Variants in ATG2B observed in about 807,000 individuals in gnomAD.
The protein encoded by ATG2B is autophagy related 2B.
In ATG2B, 121 loss-of-function variants were observed where a neutral mutation model predicts 241.3. The observed-to-expected ratio is 0.50, with a 90% CI of 0.43 to 0.58. ATG2B has a LOEUF of 0.58. Ranked by LOEUF, ATG2B falls within the 20% of genes least tolerant of loss-of-function variation. The probability of loss-of-function intolerance (pLI) is 0.00; values close to 1 mark genes in which losing one functional copy is unlikely to be tolerated. For synonymous variants in ATG2B, 858 were observed against 876.6 expected (o/e 0.98, Z 0.37); for missense variants, 2,306 against 2,491.6 (o/e 0.93, Z 1.59).
Position 96,315,250 on chromosome 14 carries a change from C to T in ATG2B, c.3562-16G>A. On this transcript the variant is annotated splice_polypyrimidine_tract_variant and intron_variant, in intron 22 of 41. Transcript: ENST00000359933. ...TGAGAAATTCCTATACAGAACAAGA[C>T]AAAGAATGACATTTACCACCTATGT... The T allele has an allele frequency of 1.2e-6, 2 of 1,608,970 alleles. No homozygotes were observed. The highest frequency in any genetic ancestry group is 1.7e-6 in the Non-Finnish European group (2 of 1,175,542).
intron 11 of ATG2B, 100 bp downstream of exon 11, chr14:96,331,276 G>T: frequency 8.9e-7 from 1 of 1,127,724 alleles, no homozygotes; most frequent in Non-Finnish European, 1.3e-6. Context: ...AAAAACAAAT[G>T]CAGATAGGCA....
At position 96,303,204 on chromosome 14, in the gene ATG2B, T is replaced by A; in HGVS notation, c.4894A>T (p.Ser1632Cys). Residue 1632 changes from serine (S) to cysteine (C), a missense_variant, in exon 33 of 42, where the codon AGC becomes TGC. This residue lies in a region of ATG2B where 1,927 missense variants were observed against 2,011.2 expected (regional missense o/e 0.96). Coordinates refer to ENST00000359933, the MANE Select transcript of ATG2B (RefSeq NM_018036.7). Reference sequence around the variant, plus strand: ...CGGGAGACTGGGTGTTCTGAGAGGCTGGAATCACAATCAGGTTTGCATGGC... The same window carrying A: ...CGGGAGACTGGGTGTTCTGAGAGGCAGGAATCACAATCAGGTTTGCATGGC... The part of the protein sequence containing the change: ...YPPCKPDCDS[S>C]LSEHPVSRQV... The A allele has an allele frequency of 1.9e-6, 3 of 1,610,322 alleles. No homozygotes were observed. The highest frequency in any genetic ancestry group is 2.5e-6 in the Non-Finnish European group (3 of 1,178,238).
Position 96,325,878 on chromosome 14 carries a change from A to G in ATG2B, c.2208T>C (p.Pro736=), listed in dbSNP as rs1174261952. The change falls in exon 15 of 42, where the codon CCT becomes CCC. Residue 736 remains proline, a synonymous_variant. Transcript: ENST00000359933. Reference sequence around the variant, plus strand: ...CTTGTACTGATATCCGACAATTTGCAGGACTATGTGAATCATCTAGAAACA... The same window carrying G: ...CTTGTACTGATATCCGACAATTTGCGGGACTATGTGAATCATCTAGAAACA... ...TEVFLDDSHS[P]ANCRISVQVA... 1.2e-6 allele frequency: 2 copies of G among 1,613,998 alleles called. No homozygotes were observed. The highest frequency in any genetic ancestry group is 1.7e-6 in the Non-Finnish European group (2 of 1,179,954).
chr14:96,290,757 AG>A lies in ATG2B; in HGVS notation c.5701+56del, dbSNP rs1886462380. The A allele has an allele frequency of 4.4e-6, 7 of 1,579,356 alleles. No individual in the cohort carries two copies. Among genetic ancestry groups the A allele is most frequent in the East Asian group, 4.5e-5 (2 of 44,674 alleles). On this transcript the variant is annotated intron_variant, in intron 39 of 41. Transcript: ENST00000359933. This position sits in a 1 kb window ranked among gnomAD's most constrained non-coding sequence, Gnocchi z 4.4. ...CCTCACATAAGTTCTCAAAGGGATA[AG>A]AATTACTCATCTGAAAAAATAACTT...
At chr14:96,307,802 T>C (rs1013764789) in intron 29 of ATG2B, among the ~76,000 whole-genome samples, 57 of 152,280 alleles carry the variant, frequency 3.7e-4, no homozygotes, top group African/African-American at 1.3e-3. Flanking sequence ...ACTGGATACC[T>C]AATCTTAGGT....
chr14:96,279,247 A>G lies in ATG2B; in HGVS notation c.*6508T>C, dbSNP rs960457131. 1 of 152,212 alleles carries G rather than the reference A, an allele frequency of 6.6e-6. No homozygotes were observed. The highest frequency in any genetic ancestry group is 1.5e-5 in the Non-Finnish European group (1 of 68,030). The allele number at this position is 152,212 out of a possible 1,614,324, so 9.4% of individuals were successfully genotyped here. On this transcript the variant is annotated 3_prime_UTR_variant, in exon 42 of 42. Transcript: ENST00000359933. ...CATATATATTTATATTTTAAAAATTATTACAAGTATTGCTAAAATCAAGAA... is the reference window on the plus strand; with the variant it reads ...CATATATATTTATATTTTAAAAATTGTTACAAGTATTGCTAAAATCAAGAA...
rs1566723072 is a variant in ATG2B at position 96,316,534 on chromosome 14, T to C, written c.3360A>G (p.Lys1120=). ...AACCAAGACACGTGTTTGTCCTACC[T>C]TTATGGTACAGACTGAAACTGCTAG... ...LHSSSFSLYH[K]GIVNGVILPT... The change falls in exon 21 of 42, where the codon AAA becomes AAG. Residue 1120 remains lysine, a splice_region_variant and synonymous_variant. Transcript: ENST00000359933. 6.2e-7 allele frequency: 1 copy of C among 1,611,420 alleles called. No individual in the cohort carries two copies. The highest frequency in any genetic ancestry group is 1.1e-5 in the South Asian group (1 of 90,102).
Position 96,347,226 on chromosome 14 carries a change from A to T in ATG2B, c.278T>A (p.Leu93Gln). 6.2e-7 allele frequency: 1 copy of T among 1,608,550 alleles called. No homozygotes were observed. The highest frequency in any genetic ancestry group is 1.1e-5 in the South Asian group (1 of 90,600). The part of the protein sequence containing the change: ...WGSLLQDNCA[L>Q]EVRGLEMVFR... Reference sequence around the variant, plus strand: ...GACCATTTCTAATCCTCTCACTTCCAGTGCACAATTATCCTGCAGTAAAGA... The same window carrying T: ...GACCATTTCTAATCCTCTCACTTCCTGTGCACAATTATCCTGCAGTAAAGA... The change falls in exon 2 of 42, where the codon CTG becomes CAG. Residue 93 changes from leucine (L) to glutamine (Q), a missense_variant. Leu to Gln is a moderately radical substitution (Grantham distance 113, BLOSUM62 -2). This residue lies in a region of ATG2B where 1,927 missense variants were observed against 2,011.2 expected (regional missense o/e 0.96). Transcript: ENST00000359933.
Position 96,315,539 on chromosome 14 carries a change from T to C in ATG2B, c.3406A>G (p.Ser1136Gly), listed in dbSNP as rs776209574. 1 of 1,614,098 alleles carries C rather than the reference T, an allele frequency of 6.2e-7. No individual in the cohort carries two copies. The highest frequency in any genetic ancestry group is 2.2e-5 in the East Asian group (1 of 44,876). The change falls in exon 22 of 42, where the codon AGC becomes GGC. Residue 1136 changes from serine to glycine, a missense_variant. Transcript: ENST00000359933. ...TCCAACCAGTGTGGGCGGGTTGAGC[T>C]GGGAAGTCGTGTTTCTGTCGGGAGA... Reference protein sequence around the residue: ...VILPTETRLPSSTRPHWLEPT... With the variant: ...VILPTETRLPGSTRPHWLEPT...
intron 34 of ATG2B, among the ~76,000 whole-genome samples, chr14:96,297,687 G>A (rs868184336): frequency 6.6e-5 from 10 of 152,010 alleles, no homozygotes; most frequent in Non-Finnish European, 1.2e-4. Flanking sequence ...GTGAGCCACC[G>A]CACCCGGCCA....
rs1357232189 is a variant in ATG2B, at chr14:96,306,851, C to T, written c.4369G>A (p.Glu1457Lys). Residue 1457 changes from glutamate to lysine, a missense_variant, in exon 30 of 42, where the codon GAG becomes AAG. Glu to Lys is a moderately conservative substitution (Grantham distance 56). This residue lies in a region of ATG2B where 1,927 missense variants were observed against 2,011.2 expected (regional missense o/e 0.96). Transcript: ENST00000359933. ...CCSDLFLFPD[E>K]SGNVSQESGP... ...GACTCCTGGGATACATTCCCACTCT[C>T]GTCAGGAAACAGGAAGAGGTCTGAA... The T allele has an allele frequency of 7.4e-6, 12 of 1,614,020 alleles. No individual in the cohort carries two copies. The highest frequency in any genetic ancestry group is 3.3e-5 in the Admixed American group (2 of 60,022).
chr14:96,335,443 A>C (rs1887844939), intron 6 of ATG2B, among the ~76,000 whole-genome samples: 1 of 152,218 alleles, frequency 6.6e-6, no homozygotes, highest in Non-Finnish European at 1.5e-5. Flanking sequence ...ATAAATCATT[A>C]TTATCACTTT....
In ATG2B at chr14:96,290,080, T is replaced by C. The variant is rs1886443830; in HGVS notation, c.5857-275A>G. ...CACTCAACATTTCCACATCAGTCTA[T>C]GGAGCTTAATACTTACTAGAATGAT... On this transcript the variant is annotated intron_variant, in intron 40 of 41. Transcript: ENST00000359933. The surrounding 1 kb of genome is among the most constrained non-coding windows in gnomAD (Gnocchi z 4.4). 1 of 1,205,890 alleles carries C rather than the reference T, an allele frequency of 8.3e-7. No individual in the cohort carries two copies. The highest frequency in any genetic ancestry group is 1.1e-6 in the Non-Finnish European group (1 of 939,454). 74.7% of individuals were successfully genotyped at this position (1,205,890 alleles called of 1,614,324 possible).
Position 96,363,214 on chromosome 14 carries a change from G to C in ATG2B, c.-238C>G. 1.9e-6 allele frequency: 1 copy of C among 514,528 alleles called. No individual in the cohort carries two copies. The highest frequency in any genetic ancestry group is 3.5e-6 in the Non-Finnish European group (1 of 289,182). The allele number at this position is 514,528 out of a possible 1,614,324, so 31.9% of individuals were successfully genotyped here. On this transcript the variant is annotated 5_prime_UTR_variant, in exon 1 of 42. Transcript: ENST00000359933. ...TGGCCCCAGGCCAGGGGACTTCCGAGGAGGGTCCCAACCGGCTCGGAGAGA... is the reference window on the plus strand; with the variant it reads ...TGGCCCCAGGCCAGGGGACTTCCGACGAGGGTCCCAACCGGCTCGGAGAGA...
At chr14:96,333,523 ATGT>A (rs1191176050) in intron 8 of ATG2B, among the ~76,000 whole-genome samples, 162 bp downstream of exon 8, 3 of 152,210 alleles carry the variant, frequency 2.0e-5, no homozygotes, top group Admixed American at 6.5e-5. Context: ...CATTACTGTA[ATGT>A]TGTGATTAGA....
In ATG2B at chr14:96,284,924, G is replaced by A. The variant is rs1167034935; in HGVS notation, c.*831C>T. On this transcript the variant is annotated 3_prime_UTR_variant, in exon 42 of 42. Coordinates refer to ENST00000359933, the MANE Select transcript of ATG2B (RefSeq NM_018036.7). The stretch of plus-strand genomic sequence containing the variant: ...CCTTCCACACATTCCTAACAAGCCT[G>A]CACTATACCTGCTTAAAACTGAAAA... The A allele has an allele frequency of 6.6e-6, 1 of 152,116 alleles. No homozygotes were observed. Among genetic ancestry groups the A allele is most frequent in the African/African-American group, 2.4e-5 (1 of 41,410 alleles). The allele number at this position is 152,116 out of a possible 1,614,324, so 9.4% of individuals were successfully genotyped here.
chr14:96,322,487 T>G (rs1028505291), intron 17 of ATG2B, 53 bp downstream of exon 17: 3 of 1,532,092 alleles, frequency 2.0e-6, no homozygotes, highest in Non-Finnish European at 2.6e-6. Flanking sequence ...AAAGCATTGC[T>G]CTATGACAGA....
rs1286095132 is a variant in ATG2B at position 96,325,826 on chromosome 14, C to T, written c.2260G>A (p.Val754Ile). Reference sequence around the variant, plus strand: ...CGAAGATCAGGTATTGGGAAGCGAACAGAAAGGTTTAATGCTGGTGTGGCA... The same window carrying T: ...CGAAGATCAGGTATTGGGAAGCGAATAGAAAGGTTTAATGCTGGTGTGGCA... ...QVATPALNLS[V>I]RFPIPDLRSD... The change falls in exon 15 of 42, where the codon GTT becomes ATT. Residue 754 changes from valine (V) to isoleucine (I), a missense_variant. By Grantham distance (29) the Val-to-Ile change is conservative. This residue lies in a region of ATG2B where 1,927 missense variants were observed against 2,011.2 expected (regional missense o/e 0.96). Coordinates refer to ENST00000359933, the MANE Select transcript of ATG2B (RefSeq NM_018036.7). 1.2e-6 allele frequency: 2 copies of T among 1,613,840 alleles called. No homozygotes were observed. The highest frequency in any genetic ancestry group is 3.3e-5 in the Admixed American group (2 of 59,970).
rs1268791209 is a variant in ATG2B at position 96,281,491 on chromosome 14, T to A, written c.*4264A>T. ...ATTCAATGTCTAAAATAAGTCAGGA[T>A]GGATCAACATAAAAGCTGAACTAGA... On this transcript the variant is annotated 3_prime_UTR_variant, in exon 42 of 42. Coordinates refer to ENST00000359933, the MANE Select transcript of ATG2B (RefSeq NM_018036.7). 2.0e-5 allele frequency: 3 copies of A among 152,176 alleles called. No homozygotes were observed. The East Asian group carries it at 5.8e-4, about 29-fold the overall frequency. The allele number at this position is 152,176 out of a possible 1,614,324, so 9.4% of individuals were successfully genotyped here. A position where few individuals can be genotyped will look rare whatever the true frequency, so the allele number is the denominator to read the frequency against.
Sources: allele counts gnomAD v4.1 joint callset (sites outside exome capture counted in the v4.1 genomes callset), GRCh38; gene constraint gnomAD v4.1.1; regional missense constraint gnomAD v4.1.1; non-coding constraint Gnocchi (gnomAD v3.1); transcripts MANE v1.5; gene names NCBI Gene and HGNC (gene_info 2026-07-23, HGNC 2026-07-21).